Variants in RYR3 observed in about 807,000 individuals in gnomAD.
The protein encoded by RYR3 is ryanodine receptor 3.
In RYR3, 207 loss-of-function variants were observed where a neutral mutation model predicts 584.3. The ratio of observed to expected loss-of-function variants is 0.35; its 90% CI spans 0.32 to 0.40. The LOEUF (loss-of-function observed/expected upper bound fraction) is 0.40, where lower values mean the gene tolerates loss of function less well. Among genes scored for constraint, RYR3 ranks in the 10% least tolerant of loss-of-function variants. The pLI is 1.00. For missense variants in RYR3, 5,616 were observed against 6,089.2 expected (o/e 0.92, Z 2.59); for synonymous variants, 2,416 against 2,248.5 (o/e 1.07, Z -2.11).
intron 27 of RYR3, 90 bp downstream of exon 27, chr15:33,636,640 G>T: frequency 8.7e-7 from 1 of 1,142,996 alleles, no homozygotes; most frequent in Non-Finnish European, 1.3e-6. Context: ...TTCCTTATTC[G>T]GTCTACACTG....
intron 14 of RYR3, among the ~76,000 whole-genome samples, chr15:33,583,013 C>T (rs1448585968): frequency 6.6e-6 from 1 of 151,020 alleles, no homozygotes; most frequent in African/African-American, 2.4e-5. Context: ...ATTGGTAAAA[C>T]TCAAATGACA....
intron 11 of RYR3, among the ~76,000 whole-genome samples, chr15:33,563,668 T>C (rs1014758283): frequency 7.2e-5 from 11 of 152,186 alleles, no homozygotes; most frequent in African/African-American, 2.7e-4. Context: ...TGGGTTTAAA[T>C]AGTCAACTAG....
At chr15:33,763,377 AG>A (rs796078318) in intron 60 of RYR3, among the ~76,000 whole-genome samples, 10 of 152,004 alleles carry the variant, frequency 6.6e-5, no homozygotes, top group African/African-American at 2.2e-4. Context: ...TGTCTGACAA[AG>A]GGCTAATATC....
rs545619884 is a variant in RYR3 at position 33,472,221 on chromosome 15, C to T, written c.52-1198C>T. ...ACTTGTGGCTTCTCGCATTCCCCTG[C>T]AGCCCCTCACCTATCTCTGGGCACA... On this transcript the variant is annotated intron_variant, in intron 1 of 103. Coordinates refer to ENST00000634891, the MANE Select transcript of RYR3 (RefSeq NM_001036.6). 5.3e-5 allele frequency among the ~76,000 whole-genome samples: 8 copies of T among 152,342 alleles called. No individual in the cohort carries two copies. The South Asian group carries it at 1.2e-3, about 24-fold the overall frequency.
At chr15:33,516,193 G>T (rs189969324) in intron 3 of RYR3, among the ~76,000 whole-genome samples, 11 of 152,014 alleles carry the variant, frequency 7.2e-5, no homozygotes, top group Non-Finnish European at 1.6e-4. Flanking sequence ...CTGTATTCCA[G>T]CTTCCCCCAT....
intron 38 of RYR3, among the ~76,000 whole-genome samples, chr15:33,678,225 T>C (rs1041592288): frequency 1.3e-5 from 2 of 152,208 alleles, no homozygotes; most frequent in East Asian, 1.9e-4. Context: ...ACAAATCTCA[T>C]GTCGAATTGT....
At chr15:33,491,935 C>G (rs990911040) in intron 2 of RYR3, among the ~76,000 whole-genome samples, 3 of 152,148 alleles carry the variant, frequency 2.0e-5, no homozygotes, top group Non-Finnish European at 4.4e-5. Context: ...AGAAGGAGAT[C>G]CAATAGATCA....
intron 1 of RYR3, among the ~76,000 whole-genome samples, chr15:33,375,268 A>C (rs1239195200): frequency 6.6e-6 from 1 of 152,208 alleles, no homozygotes; most frequent in African/African-American, 2.4e-5. Flanking sequence ...CATGGTAAGC[A>C]CTCAGAAATA....
At chr15:33,541,121 T>G (rs2055781524) in intron 7 of RYR3, among the ~76,000 whole-genome samples, 1 of 152,100 alleles carries the variant, frequency 6.6e-6, no homozygotes, top group Non-Finnish European at 1.5e-5. Flanking sequence ...TGGAGCCCAC[T>G]ATTGTTTTAG....
At chr15:33,696,840 C>T (rs958742412) in intron 39 of RYR3, among the ~76,000 whole-genome samples, 16 of 152,164 alleles carry the variant, frequency 1.1e-4, no homozygotes, top group African/African-American at 2.9e-4. Flanking sequence ...CGAAATCTTC[C>T]GAAACTTCCC....
intron 67 of RYR3, among the ~76,000 whole-genome samples, chr15:33,796,395 A>G (rs2075624667): frequency 6.6e-6 from 1 of 152,052 alleles, no homozygotes; most frequent in Non-Finnish European, 1.5e-5. Flanking sequence ...TGGCCTCCCA[A>G]AGTGCTGGGA....
intron 1 of RYR3, chr15:33,465,878 T>C: frequency 4.2e-6 from 2 of 479,426 alleles, no homozygotes; most frequent in South Asian, 3.1e-5. Context: ...TGTTTCTCTC[T>C]TCCTCCCTTC....
At chr15:33,787,780 G>A (rs1029369948) in intron 66 of RYR3, among the ~76,000 whole-genome samples, 3 of 152,114 alleles carry the variant, frequency 2.0e-5, no homozygotes, top group African/African-American at 7.2e-5. Flanking sequence ...AAAATAACCA[G>A]AAAGCATATA....
chr15:33,669,484 CT>C (rs747743149), intron 37 of RYR3, 28 bp downstream of exon 37: 7 of 1,590,980 alleles, frequency 4.4e-6, no homozygotes, highest in Non-Finnish European at 6.0e-6. Flanking sequence ...AGGCTTTGTC[CT>C]TTTTTTACAA....
chr15:33,742,527 C>T, intron 52 of RYR3, 83 bp downstream of exon 52: 1 of 889,218 alleles, frequency 1.1e-6, no homozygotes, highest in South Asian at 1.4e-5. Context: ...GGAAATCTGC[C>T]TGATTTGTCT....
chr15:33,559,304 G>C (rs112971702), intron 10 of RYR3, among the ~76,000 whole-genome samples: 23 of 152,184 alleles, frequency 1.5e-4, no homozygotes, highest in African/African-American at 5.5e-4. Context: ...TGGATGAGAT[G>C]TTGTGCAATG....
intron 50 of RYR3, 38 bp from the exon 51 acceptor site, chr15:33,739,794 G>T: frequency 6.3e-7 from 1 of 1,583,510 alleles, no homozygotes; most frequent in Non-Finnish European, 8.6e-7. Flanking sequence ...GCATGGTTCT[G>T]CTTTCTCTAC....
In RYR3 at chr15:33,662,697, G is replaced by A; in HGVS notation, c.5167G>A (p.Val1723Met). ...AGGGGGGTCTGTGGAGTTCCAGTTTGTGCCTGTGCTGAAACTCATTGGAAC... is the reference window on the plus strand; with the variant it reads ...AGGGGGGTCTGTGGAGTTCCAGTTTATGCCTGTGCTGAAACTCATTGGAAC... ...PVGGSVEFQF[V>M]PVLKLIGTLL... The change falls in exon 35 of 104, where the codon GTG becomes ATG. Residue 1723 changes from valine to methionine, a missense_variant. By Grantham distance (21) the Val-to-Met change is conservative (BLOSUM62 1). Transcript: ENST00000634891. 1 of 1,614,202 alleles carries A rather than the reference G, an allele frequency of 6.2e-7. No individual in the cohort carries two copies. The highest frequency in any genetic ancestry group is 8.5e-7 in the Non-Finnish European group (1 of 1,180,034).
intron 43 of RYR3, among the ~76,000 whole-genome samples, chr15:33,707,861 A>G (rs931930531): frequency 1.3e-5 from 2 of 152,180 alleles, no homozygotes; most frequent in Admixed American, 6.5e-5. Flanking sequence ...TAATGTGATC[A>G]TTATATTCCC....
Sources: gnomAD v4.1 joint callset for allele counts (sites outside exome capture counted in the v4.1 genomes callset) on GRCh38, gnomAD v4.1.1 for gene constraint, MANE v1.5 for transcripts, NCBI Gene and HGNC (gene_info 2026-07-23, HGNC 2026-07-21) for gene names.